The following BAIAP2 variants were observed in gnomAD, a reference collection of about 807,000 sequenced individuals.
BAIAP2 encodes BAR/IMD domain containing adaptor protein 2.
In BAIAP2, 18 loss-of-function variants were observed where a neutral mutation model predicts 63.0. The ratio of observed to expected loss-of-function variants is 0.29; its 90% confidence interval spans 0.20 to 0.42. The LOEUF is 0.42. Among genes scored for constraint, BAIAP2 ranks in the 10% least tolerant of loss-of-function variants. BAIAP2 has a pLI of 1.00. For synonymous variants in BAIAP2, 386 were observed against 307.6 expected (o/e 1.25, Z -2.67); for missense variants, 610 against 734.3 (o/e 0.83, Z 1.96).
rs770277497 is a variant in BAIAP2, at chr17:81,104,107, C to A, written c.1065C>A (p.Thr355=). 3 of 1,613,000 alleles carry A rather than the reference C, an allele frequency of 1.9e-6. No homozygotes were observed. The African/African-American group carries it at 4.0e-5, about 22-fold the overall frequency. Residue 355 remains threonine (T), a splice_region_variant and synonymous_variant, in exon 9 of 14, where the codon ACC becomes ACA. Transcript: ENST00000428708. ...TGACCCCAAAAAACAGCTATGCCAC[C>A]AGTAAGGGCTCCGCTGGGGTGTTGG... is the stretch of plus-strand genomic sequence containing the variant. The part of the protein sequence containing the change: ...KSVTPKNSYA[T]TENKTLPRSS...
intron 1 of BAIAP2, among the ~76,000 whole-genome samples, chr17:81,051,463 A>G (rs2048673739): frequency 6.6e-6 from 1 of 152,092 alleles, no homozygotes; most frequent in Admixed American, 6.5e-5. Context: ...GCAGTGGCGC[A>G]ATCTCAGCTC....
At position 81,065,524 on chromosome 17, in the gene BAIAP2, T is replaced by C. The variant is rs113986853; in HGVS notation, c.217+7557T>C. ...GGGTGGACGTGGCACTGGTTCTTTG[T>C]GCGGGTGGAGGACAGCTGTCCAGTC... is the stretch of plus-strand genomic sequence containing the variant. On this transcript the variant is annotated intron_variant, in intron 3 of 13. Transcript: ENST00000428708. 7.2e-5 allele frequency among the ~76,000 whole-genome samples: 11 copies of C among 152,286 alleles called. 1 individual carries two copies. The highest frequency in any genetic ancestry group is 2.6e-4 in the African/African-American group (11 of 41,574).
chr17:81,074,855 C>T (rs950408245), intron 3 of BAIAP2, among the ~76,000 whole-genome samples: 6 of 152,210 alleles, frequency 3.9e-5, no homozygotes, highest in South Asian at 2.1e-4. Flanking sequence ...AGTGGTGAAG[C>T]GATTGTGGCA....
intron 10 of BAIAP2, chr17:81,105,305 G>T: frequency 6.3e-6 from 1 of 157,594 alleles, no homozygotes; most frequent in South Asian, 1.8e-4. Context: ...TTGCCGCAGG[G>T]TGTGGCATCC....
intron 6 of BAIAP2, among the ~76,000 whole-genome samples, chr17:81,089,221 T>TG (rs1156870768): frequency 6.6e-6 from 1 of 152,238 alleles, no homozygotes; most frequent in South Asian, 2.1e-4. Flanking sequence ...TGAGGTCTGT[T>TG]GGGGGACCAT....
chr17:81,108,743 C>A, intron 13 of BAIAP2: 1 of 881,032 alleles, frequency 1.1e-6, no homozygotes, highest in Non-Finnish European at 1.7e-6. Flanking sequence ...CCCCATCCAT[C>A]CCTGTCAGGC....
At chr17:81,112,746 A>G (rs1201754014) in intron 13 of BAIAP2, among the ~76,000 whole-genome samples, 1 of 152,140 alleles carries the variant, frequency 6.6e-6, no homozygotes, top group Non-Finnish European at 1.5e-5. Flanking sequence ...TTCACATTCA[A>G]GTCATTGGTG....
intron 1 of BAIAP2, among the ~76,000 whole-genome samples, chr17:81,045,853 GC>G (rs898625269): frequency 3.3e-5 from 5 of 152,162 alleles, no homozygotes; most frequent in Non-Finnish European, 7.4e-5. Flanking sequence ...CCTTGGAGAA[GC>G]CTAGTGGCCC....
chr17:81,050,999 C>G (rs2048594274), intron 1 of BAIAP2, among the ~76,000 whole-genome samples: 1 of 151,962 alleles, frequency 6.6e-6, no homozygotes, highest in Non-Finnish European at 1.5e-5. Flanking sequence ...ATTCTCCTCT[C>G]TGCTGGTAAC....
intron 3 of BAIAP2, among the ~76,000 whole-genome samples, chr17:81,071,505 T>C (rs1473645914): frequency 2.6e-5 from 4 of 152,218 alleles, no homozygotes; most frequent in South Asian, 4.1e-4. Context: ...ACAGCCAGCT[T>C]GGAGCAGCTG....
Position 81,103,375 on chromosome 17 carries a change from G to GA in BAIAP2, c.643-126dup. 4 of 907,008 alleles carry GA rather than the reference G, an allele frequency of 4.4e-6. No individual in the cohort carries two copies. In the South Asian group the frequency reaches 6.3e-5, roughly 14 times the overall value. The allele number at this position is 907,008 out of a possible 1,614,324, so 56.2% of individuals were successfully genotyped here. A position where few individuals can be genotyped will look rare whatever the true frequency, so the allele number is the denominator to read the frequency against. ...GCTCACGGGTGGCCTGTCTCGCCGA[G>GA]AGGTACCACCTGGTGAAGAGCAGCC... On this transcript the variant is annotated intron_variant, in intron 7 of 13. Coordinates refer to ENST00000428708, the MANE Select transcript of BAIAP2 (RefSeq NM_001144888.2).
Position 81,106,792 on chromosome 17 carries a change from A to G in BAIAP2, c.1385A>G (p.Asp462Gly), listed in dbSNP as rs1401863588. The G allele has an allele frequency of 6.2e-7, 1 of 1,612,518 alleles. No homozygotes were observed. Among genetic ancestry groups the G allele is most frequent in the Non-Finnish European group, 8.5e-7 (1 of 1,179,770 alleles). ...SSSTGNLLDK[D>G]DLAIPPPDYG... Reference sequence around the variant, plus strand: ...AGCACGGGCAACCTCCTGGACAAGGACGACCTGGCCATCCCACCCCCCGAT... The same window carrying G: ...AGCACGGGCAACCTCCTGGACAAGGGCGACCTGGCCATCCCACCCCCCGAT... The change falls in exon 12 of 14, where the codon GAC becomes GGC. Residue 462 changes from aspartate (D) to glycine (G), a missense_variant. By Grantham distance (94) the Asp-to-Gly change is moderately conservative. Coordinates refer to ENST00000428708, the MANE Select transcript of BAIAP2 (RefSeq NM_001144888.2).
intron 6 of BAIAP2, among the ~76,000 whole-genome samples, chr17:81,096,221 G>A (rs963747501): frequency 2.0e-5 from 3 of 152,188 alleles, no homozygotes; most frequent in Non-Finnish European, 4.4e-5. Flanking sequence ...TTTGCCAGGC[G>A]TTGGATCTCC....
chr17:81,107,233 A>T, intron 12 of BAIAP2: 1 of 305,478 alleles, frequency 3.3e-6, no homozygotes, highest in Non-Finnish European at 6.0e-6. Context: ...GCTGGCCTAG[A>T]GGTGGGCCTG....
At chr17:81,047,105 G>C (rs979941350) in intron 1 of BAIAP2, among the ~76,000 whole-genome samples, 1 of 152,240 alleles carries the variant, frequency 6.6e-6, no homozygotes, top group Non-Finnish European at 1.5e-5. Flanking sequence ...CTGGGCATTG[G>C]CCCTCCTGGG....
intron 3 of BAIAP2, among the ~76,000 whole-genome samples, chr17:81,064,201 G>C (rs2051071822): frequency 6.6e-6 from 1 of 152,218 alleles, no homozygotes; most frequent in Admixed American, 6.5e-5. Flanking sequence ...TTTCCCATGT[G>C]GCACCTGCTC....
chr17:81,056,211 A>C (rs2049532201), intron 2 of BAIAP2, among the ~76,000 whole-genome samples: 1 of 152,210 alleles, frequency 6.6e-6, no homozygotes, highest in African/African-American at 2.4e-5. Context: ...CTCTAGGCAC[A>C]GCACACGATG....
intron 6 of BAIAP2, among the ~76,000 whole-genome samples, chr17:81,092,678 G>GC (rs1237213798): frequency 1.3e-5 from 2 of 152,228 alleles, no homozygotes; most frequent in African/African-American, 2.4e-5. Flanking sequence ...TACGTAAGGG[G>GC]CCCGGCCCGG....
intron 1 of BAIAP2, among the ~76,000 whole-genome samples, chr17:81,038,834 G>C (rs1202177940): frequency 6.6e-6 from 1 of 152,198 alleles, no homozygotes; most frequent in Non-Finnish European, 1.5e-5. Flanking sequence ...GAGACGGTGG[G>C]GGGTGGTCTC....
Sources: gnomAD v4.1 joint callset for allele counts (sites outside exome capture counted in the v4.1 genomes callset) on GRCh38, gnomAD v4.1.1 for gene constraint, MANE v1.5 for transcripts, NCBI Gene and HGNC (gene_info 2026-07-23, HGNC 2026-07-21) for gene names.